The following CACNA1I variants were observed in gnomAD, a reference collection of about 807,000 sequenced individuals.
CACNA1I encodes voltage-dependent T-type calcium channel subunit alpha-1I.
A neutral mutation model predicts 201.6 loss-of-function variants in CACNA1I; 74 were observed. The observed-to-expected ratio is 0.37, with a 90% CI of 0.30 to 0.45. The LOEUF (loss-of-function observed/expected upper bound fraction) is 0.45, where lower values mean the gene tolerates loss of function less well. CACNA1I is among the 20% of genes least tolerant of loss of function. The probability of loss-of-function intolerance (pLI) is 1.00; values close to 1 mark genes in which losing one functional copy is unlikely to be tolerated. For missense variants in CACNA1I, 2,346 were observed against 3,138.1 expected, an observed-to-expected ratio of 0.75 and a Z score of 6.03; for synonymous variants, 1,431 against 1,345.2, an observed-to-expected ratio of 1.06 and a Z score of -1.40.
At chr22:39,656,705 G>C (rs767126292) in intron 10 of CACNA1I, 1 of 519,052 alleles carries the variant, frequency 1.9e-6, no homozygotes, top group Non-Finnish European at 3.8e-6. Flanking sequence ...TGTAACGGGA[G>C]AGCAGTTTGG....
rs1434954175 is a variant in CACNA1I at position 39,628,926 on chromosome 22, TC to T, written c.581-5638del. 5.9e-5 allele frequency among the ~76,000 whole-genome samples: 9 copies of T among 152,188 alleles called. No homozygotes were observed. The East Asian group carries it at 1.7e-3, about 30-fold the overall frequency. On this transcript the variant is annotated intron_variant, in intron 4 of 36. Transcript: ENST00000402142. Reference sequence around the variant, plus strand: ...ACTTGAGCTGGCCTGGCTGGACTGATCTGGGCTGACAGCTCCCCTCTGCCAA... The same window carrying T: ...ACTTGAGCTGGCCTGGCTGGACTGATTGGGCTGACAGCTCCCCTCTGCCAA...
chr22:39,670,210 G>T lies in CACNA1I; in HGVS notation c.4367G>T (p.Arg1456Leu), dbSNP rs766713729. 3.1e-6 allele frequency: 5 copies of T among 1,613,060 alleles called. No homozygotes were observed. The highest frequency in any genetic ancestry group is 3.3e-5 in the Admixed American group (2 of 60,006). Residue 1456 changes from arginine to leucine, a missense_variant, in exon 25 of 37, where the codon CGC (arginine) becomes CTC (leucine). Transcript: ENST00000402142. ...ARRREEKRLR[R>L]LEKKRRKAQR... The stretch of plus-strand genomic sequence containing the variant: ...CGGCGTGAGGAGAAGCGGCTGCGGC[G>T]CCTGGAGAAGAAGCGCCGGAGTGAG...
intron 31 of CACNA1I, 120 bp from the exon 32 acceptor site, chr22:39,678,987 C>T (rs181783958): frequency 4.1e-6 from 3 of 738,516 alleles, no homozygotes; most frequent in Non-Finnish European, 6.5e-6. Context: ...CAGCCCGGGG[C>T]CATCTCGGGG....
At chr22:39,620,183 T>C (rs1376263980) in intron 4 of CACNA1I, among the ~76,000 whole-genome samples, 167 of 42,600 alleles carry the variant, frequency 3.9e-3, no homozygotes, top group Middle Eastern at 0.023. Context: ...ATCCATCCAC[T>C]CATCCATCCA....
rs996487227 is a variant in CACNA1I at position 39,648,430 on chromosome 22, G to A, written c.1567+504G>A. 6.6e-6 allele frequency among the ~76,000 whole-genome samples: 1 copy of A among 152,126 alleles called. No individual in the cohort carries two copies. The highest frequency in any genetic ancestry group is 1.5e-5 in the Non-Finnish European group (1 of 68,026). ...GGCACTCTTGCCCCCTTGCCCCTGG[G>A]CCTCCCCTCTGCCCTGGAAAACGAG... On this transcript the variant is annotated intron_variant, in intron 9 of 36. Coordinates refer to ENST00000402142, the MANE Select transcript of CACNA1I (RefSeq NM_021096.4). The surrounding 1 kb of genome is among the most constrained non-coding windows in gnomAD (Gnocchi z 5.4).
intron 34 of CACNA1I, among the ~76,000 whole-genome samples, chr22:39,681,422 C>T (rs1935704230): frequency 1.3e-5 from 2 of 152,134 alleles, no homozygotes; most frequent in African/African-American, 4.8e-5. Flanking sequence ...CGGGGGCGGT[C>T]GCGTCAGGCA....
intron 4 of CACNA1I, among the ~76,000 whole-genome samples, chr22:39,631,297 G>C (rs1046271526): frequency 6.6e-6 from 1 of 152,196 alleles, no homozygotes; most frequent in Admixed American, 6.5e-5. Context: ...GGCTGCATCA[G>C]GTGTCCTGAG....
intron 7 of CACNA1I, 147 bp downstream of exon 7, chr22:39,643,036 AC>A (rs1159005564): frequency 1.6e-6 from 1 of 608,286 alleles, no homozygotes; most frequent in East Asian, 2.8e-5. Context: ...GTTTCTCAGC[AC>A]CACCGGGCAG....
chr22:39,662,113 T>A lies in CACNA1I; in HGVS notation c.3050T>A (p.Val1017Asp). Residue 1017 changes from valine to aspartate, a missense_variant, in exon 17 of 37, where the codon GTC becomes GAC. Around this residue, in one of 13 missense-constraint regions of CACNA1I, gnomAD observed 288 missense variants for 255.2 expected, o/e 1.13. Coordinates refer to ENST00000402142, the MANE Select transcript of CACNA1I (RefSeq NM_021096.4). ...GCGGAGCGCGGCGGCGGCGCCCGGG[T>A]CTGCGAGGTTGCCGCGGACGAGGGG... ...LSAERGGGARVCEVAADEGPP... is the reference protein window; with the variant it reads ...LSAERGGGARDCEVAADEGPP... The A allele has an allele frequency of 6.5e-7, 1 of 1,527,680 alleles. No individual in the cohort carries two copies. The highest frequency in any genetic ancestry group is 8.8e-7 in the Non-Finnish European group (1 of 1,141,470). 94.6% of individuals were successfully genotyped at this position (1,527,680 alleles called of 1,614,324 possible).
intron 35 of CACNA1I, 149 bp downstream of exon 35, chr22:39,682,810 A>G: frequency 1.6e-6 from 1 of 644,346 alleles, no homozygotes. Flanking sequence ...ACAATGAGAG[A>G]TAGACTCTCA....
In CACNA1I at chr22:39,689,027, G is replaced by C. The variant is rs963311778; in HGVS notation, c.*2622G>C. On this transcript the variant is annotated 3_prime_UTR_variant, in exon 37 of 37. Coordinates refer to ENST00000402142, the MANE Select transcript of CACNA1I (RefSeq NM_021096.4). ...CACTGGCCAGGACAAGTCAACATGG[G>C]TGAGGGTTGGGCAAAGGGCCCTTCC... 7.2e-5 allele frequency: 11 copies of C among 152,762 alleles called. No homozygotes were observed. The highest frequency in any genetic ancestry group is 2.7e-4 in the African/African-American group (11 of 41,464). The allele number at this position is 152,762 out of a possible 1,614,324, so 9.5% of individuals were successfully genotyped here.
chr22:39,573,215 C>T (rs1405363841), intron 1 of CACNA1I, among the ~76,000 whole-genome samples: 4 of 152,246 alleles, frequency 2.6e-5, no homozygotes, highest in Admixed American at 1.3e-4. Context: ...CACAATGTCT[C>T]AGGGGCCTTT....
chr22:39,677,483 G>A lies in CACNA1I; in HGVS notation c.4933+64G>A, dbSNP rs1261737483. The A allele has an allele frequency of 1.7e-5, 20 of 1,178,044 alleles. No individual in the cohort carries two copies. The highest frequency in any genetic ancestry group is 5.0e-5 in the Admixed American group (2 of 40,300). The allele number at this position is 1,178,044 out of a possible 1,614,324, so 73.0% of individuals were successfully genotyped here. A position where few individuals can be genotyped will look rare whatever the true frequency, so the allele number is the denominator to read the frequency against. The stretch of plus-strand genomic sequence containing the variant: ...GCAGGGCTGCAGGAGGAACTGGGGG[G>A]GCGGGGGAGGCCTGAGACCCCTGAG... On this transcript the variant is annotated intron_variant, in intron 30 of 36. Transcript: ENST00000402142. The surrounding 1 kb of genome is among the most constrained non-coding windows in gnomAD (Gnocchi z 4.8).
In CACNA1I at chr22:39,662,370, A is replaced by G; in HGVS notation, c.3307A>G (p.Lys1103Glu). ...DCNGRMPSIA[K>E]DVFTKMGDRG... Reference sequence around the variant, plus strand: ...CAATGGCAGGATGCCCAGCATCGCCAAAGACGTCTTCACCAAGATGGGCGA... The same window carrying G: ...CAATGGCAGGATGCCCAGCATCGCCGAAGACGTCTTCACCAAGATGGGCGA... The change falls in exon 17 of 37, where the codon AAA (lysine) becomes GAA (glutamate). Residue 1103 changes from lysine to glutamate, a missense_variant. Transcript: ENST00000402142. 2 of 1,482,962 alleles carry G rather than the reference A, an allele frequency of 1.3e-6. No homozygotes were observed. Among genetic ancestry groups the G allele is most frequent in the Non-Finnish European group, 1.8e-6 (2 of 1,124,410 alleles). 91.9% of individuals were successfully genotyped at this position (1,482,962 alleles called of 1,614,324 possible).
intron 26 of CACNA1I, among the ~76,000 whole-genome samples, chr22:39,671,345 G>A (rs1935371179): frequency 6.6e-6 from 1 of 152,230 alleles, no homozygotes; most frequent in Non-Finnish European, 1.5e-5. Context: ...TAGGTGAAGA[G>A]CCTGAGGCTT....
intron 35 of CACNA1I, 116 bp downstream of exon 35, chr22:39,682,777 A>T: frequency 1.2e-6 from 1 of 817,092 alleles, no homozygotes; most frequent in Non-Finnish European, 1.9e-6. Flanking sequence ...TATTTAGTCC[A>T]GAAAGAACCA....
At chr22:39,583,038 AT>A (rs1782363501) in intron 1 of CACNA1I, among the ~76,000 whole-genome samples, 1 of 67,178 alleles carries the variant, frequency 1.5e-5, no homozygotes, top group East Asian at 2.1e-4. Context: ...CCAACCATCC[AT>A]CCATCCATCC....
chr22:39,661,653 C>G (rs2146449181), intron 16 of CACNA1I, among the ~76,000 whole-genome samples: 1 of 152,364 alleles, frequency 6.6e-6, no homozygotes, highest in Non-Finnish European at 1.5e-5. Context: ...CAAATTACTG[C>G]CCTTCTCTGA....
Position 39,658,920 on chromosome 22 carries a change from C to T in CACNA1I, c.2145-11C>T, listed in dbSNP as rs202048972. The T allele has an allele frequency of 1.6e-4, 257 of 1,580,154 alleles. 1 individual carries two copies. The highest frequency in any genetic ancestry group is 5.1e-4 in the South Asian group (44 of 86,672). On this transcript the variant is annotated splice_polypyrimidine_tract_variant and intron_variant, in intron 11 of 36. Transcript: ENST00000402142. ...CTACCTGTACCCTGGGCCTGCCCTGCGGGACCGCAGCATCTGGGAGATTGT... is the reference window on the plus strand; with the variant it reads ...CTACCTGTACCCTGGGCCTGCCCTGTGGGACCGCAGCATCTGGGAGATTGT...
Sources: gnomAD v4.1 joint callset for allele counts (sites outside exome capture counted in the v4.1 genomes callset) on GRCh38, gnomAD v4.1.1 for gene constraint, gnomAD v4.1.1 regional missense constraint, Gnocchi (gnomAD v3.1) non-coding constraint, MANE v1.5 for transcripts, NCBI Gene and HGNC (gene_info 2026-07-23, HGNC 2026-07-21) for gene names.